Variants in AGBL1 observed in about 807,000 individuals in gnomAD.
AGBL1 encodes the protein cytosolic carboxypeptidase 4.
AGBL1 carries 130 observed loss-of-function variants against 118.9 expected under a neutral mutation model. The ratio of observed to expected loss-of-function variants is 1.09; its 90% CI spans 0.95 to 1.26. AGBL1 has a LOEUF of 1.26. AGBL1 is among the 50% of genes most tolerant of loss of function. The pLI is 0.00. For synonymous variants in AGBL1, 555 were observed against 478.9 expected, an observed-to-expected ratio of 1.16 and a Z score of -2.08; for missense variants, 1,584 against 1,298.1, an observed-to-expected ratio of 1.22 and a Z score of -3.38.
At chr15:86,493,013 G>A (rs1434148210) in intron 18 of AGBL1, among the ~76,000 whole-genome samples, 1 of 152,116 alleles carries the variant, frequency 6.6e-6, no homozygotes. Context: ...GGCCAACATG[G>A]CGAAACCTCA....
rs533887832 is a variant in AGBL1 at position 86,759,036 on chromosome 15, T to C, written c.3158+84600T>C. 3.3e-5 allele frequency among the ~76,000 whole-genome samples: 5 copies of C among 149,472 alleles called. No individual in the cohort carries two copies. The East Asian group carries it at 1.0e-3, about 30-fold the overall frequency. ...TTATACCTCATGAGAGTAGAGAGCA[T>C]GATTATACTTGATATAGATTTCTTT... On this transcript the variant is annotated intron_variant, in intron 22 of 22. Transcript: ENST00000614907.
rs1039497638 is a variant in AGBL1 at position 86,645,008 on chromosome 15, C to T, written c.2995-29265C>T. On this transcript the variant is annotated intron_variant, in intron 21 of 22. Transcript: ENST00000614907. ...TGGACTCCAGCCTGGGTGACAAGAG[C>T]GAGACTGTCTCCAAAACAAACAAAC... Among the ~76,000 whole-genome samples, 10 of 151,662 alleles carry T rather than the reference C, an allele frequency of 6.6e-5. No homozygotes were observed. In the South Asian group the frequency reaches 8.3e-4, roughly 13 times the overall value.
At chr15:86,510,169 C>T (rs1218229281) in intron 18 of AGBL1, among the ~76,000 whole-genome samples, 2 of 152,042 alleles carry the variant, frequency 1.3e-5, no homozygotes, top group East Asian at 1.9e-4. Flanking sequence ...ACCTGTGTCC[C>T]GTGTCCTAAG....
At chr15:86,080,208 A>C in intron 1 of AGBL1, 185 bp downstream of exon 1, 14 of 397,036 alleles carry the variant, frequency 3.5e-5, no homozygotes, top group Non-Finnish European at 4.8e-5. Flanking sequence ...CAAATATTAA[A>C]CACGACGATG....
In AGBL1 at chr15:86,282,872, T is replaced by C. The variant is rs2079377166; in HGVS notation, c.2220+3089T>C. On this transcript the variant is annotated intron_variant, in intron 16 of 22. Coordinates refer to ENST00000614907, the MANE Select transcript of AGBL1 (RefSeq NM_001386094.1). Reference sequence around the variant, plus strand: ...TTTGCGAGTCTCCTATAATATGGATTACATTTAGTAATTACAGACATTTTT... The same window carrying C: ...TTTGCGAGTCTCCTATAATATGGATCACATTTAGTAATTACAGACATTTTT... Among the ~76,000 whole-genome samples, 6 of 152,178 alleles carry C rather than the reference T, an allele frequency of 3.9e-5. No individual in the cohort carries two copies. In the South Asian group the frequency reaches 1.2e-3, roughly 32 times the overall value.
At chr15:86,534,997 T>G (rs1024028190) in intron 19 of AGBL1, among the ~76,000 whole-genome samples, 2 of 152,154 alleles carry the variant, frequency 1.3e-5, no homozygotes, top group Non-Finnish European at 1.5e-5. Flanking sequence ...ATATTCAGGA[T>G]CTGCGTTTTT....
intron 21 of AGBL1, among the ~76,000 whole-genome samples, chr15:86,662,704 G>A (rs1006153457): frequency 2.0e-5 from 3 of 152,134 alleles, no homozygotes; most frequent in Non-Finnish European, 1.5e-5. Flanking sequence ...TCTGGCTTAG[G>A]CTTCTTATTT....
At chr15:86,285,900 TG>T (rs2079436383) in intron 16 of AGBL1, among the ~76,000 whole-genome samples, 1 of 152,086 alleles carries the variant, frequency 6.6e-6, no homozygotes, top group African/African-American at 2.4e-5. Flanking sequence ...TTTGACTTTT[TG>T]TCTCTCATAG....
chr15:86,281,067 G>T (rs562181152), intron 16 of AGBL1, among the ~76,000 whole-genome samples: 2 of 152,252 alleles, frequency 1.3e-5, no homozygotes, highest in South Asian at 2.1e-4. Context: ...TTATGGTCTT[G>T]CCTGTGAAAC....
At chr15:86,467,392 T>C (rs1032296430) in intron 18 of AGBL1, among the ~76,000 whole-genome samples, 1 of 152,228 alleles carries the variant, frequency 6.6e-6, no homozygotes, top group Non-Finnish European at 1.5e-5. Flanking sequence ...AAGCCAATGA[T>C]CTTAGCTTGC....
At chr15:86,393,382 C>G (rs1468797883) in intron 17 of AGBL1, among the ~76,000 whole-genome samples, 2 of 152,184 alleles carry the variant, frequency 1.3e-5, no homozygotes, top group African/African-American at 4.8e-5. Context: ...GAGCTTAAGC[C>G]ATTTTTTATT....
intron 18 of AGBL1, among the ~76,000 whole-genome samples, chr15:86,486,547 A>C (rs1160695902): frequency 6.6e-6 from 1 of 152,180 alleles, no homozygotes; most frequent in Non-Finnish European, 1.5e-5. Context: ...ACCTGGGCAC[A>C]GTCCATTTCC....
rs192066827 is a variant in AGBL1 at position 86,728,730 on chromosome 15, T to C, written c.3158+54294T>C. ...CTTTTCTTTTTTTTGTTCACATCTTTTAAAATTTTGTGTCTGGAGTTATCA... is the reference window on the plus strand; with the variant it reads ...CTTTTCTTTTTTTTGTTCACATCTTCTAAAATTTTGTGTCTGGAGTTATCA... On this transcript the variant is annotated intron_variant, in intron 22 of 22. Transcript: ENST00000614907. Among the ~76,000 whole-genome samples the C allele has an allele frequency of 1.7e-3, 262 of 152,338 alleles. 3 individuals are homozygous for C. In the East Asian group the frequency reaches 0.021, roughly 12 times the overall value.
intron 23 of AGBL1, among the ~76,000 whole-genome samples, chr15:86,983,972 A>G (rs2141726782): frequency 6.6e-6 from 1 of 152,304 alleles, no homozygotes; most frequent in East Asian, 1.9e-4. Flanking sequence ...ATTAATTTGG[A>G]TCCTAAAATA....
chr15:86,299,970 G>C (rs2079720387), intron 17 of AGBL1: 1 of 152,092 alleles, frequency 6.6e-6, no homozygotes, highest in South Asian at 2.1e-4. Context: ...CCCAGACTCA[G>C]CCATTTCCGA....
At chr15:86,992,533 G>C (rs1465172117) in intron 24 of AGBL1, among the ~76,000 whole-genome samples, 2 of 151,964 alleles carry the variant, frequency 1.3e-5, no homozygotes, top group African/African-American at 4.8e-5. Flanking sequence ...CTATTTGCTG[G>C]AACCAGAATC....
At chr15:86,887,255 GTATC>G (rs1176285236) in intron 22 of AGBL1, among the ~76,000 whole-genome samples, 10 of 152,214 alleles carry the variant, frequency 6.6e-5, no homozygotes, top group South Asian at 6.2e-4. Context: ...ATTTATGTAT[GTATC>G]TATCTACCTA....
chr15:86,696,180 T>C lies in AGBL1; in HGVS notation c.3158+21744T>C, dbSNP rs143586252. Among the ~76,000 whole-genome samples the C allele has an allele frequency of 2.8e-4, 42 of 152,156 alleles. No homozygotes were observed. The East Asian group carries it at 7.5e-3, about 27-fold the overall frequency. On this transcript the variant is annotated intron_variant, in intron 22 of 22. Transcript: ENST00000614907. ...CCTGCCTAGTGCTGTCAGTGGAGTA[T>C]TGAACTTCCCCACTATTATTGTGTT... is the stretch of plus-strand genomic sequence containing the variant.
intron 22 of AGBL1, among the ~76,000 whole-genome samples, chr15:86,766,486 T>G (rs577506975): frequency 6.6e-5 from 10 of 152,086 alleles, no homozygotes; most frequent in African/African-American, 2.4e-4. Flanking sequence ...ATAATGAAAT[T>G]ATTCCATTCA....
Sources: allele counts gnomAD v4.1 joint callset (sites outside exome capture counted in the v4.1 genomes callset), GRCh38; gene constraint gnomAD v4.1.1; transcripts MANE v1.5; gene names NCBI Gene and HGNC (gene_info 2026-07-23, HGNC 2026-07-21).